The following NSDHL variants were observed in gnomAD, a reference collection of about 807,000 sequenced individuals.
NSDHL encodes the protein sterol-4-alpha-carboxylate 3-dehydrogenase, decarboxylating.
Under a neutral mutation model 23.0 loss-of-function variants are expected in NSDHL, and 1 was observed. That is an observed-to-expected ratio of 0.04 (90% CI 0.02 to 0.21). The LOEUF (loss-of-function observed/expected upper bound fraction) is 0.21. Among genes scored for constraint, NSDHL ranks in the 10% least tolerant of loss-of-function variants. The pLI is 1.00. For missense variants in NSDHL, 237 were observed against 300.9 expected, an observed-to-expected ratio of 0.79 and a Z score of 1.57; for synonymous variants, 128 against 121.1, an observed-to-expected ratio of 1.06 and a Z score of -0.37.
chrX:152,866,567 C>G (rs1311282186), intron 6 of NSDHL, among the ~76,000 whole-genome samples: 1 of 112,987 alleles, frequency 8.9e-6, no homozygotes, highest in Non-Finnish European at 1.9e-5. Context: ...TCTGGAGGTT[C>G]GCAGGGAGCG....
intron 2 of NSDHL, 82 bp downstream of exon 2, chrX:152,846,514 A>G: frequency 1.6e-6 from 1 of 640,335 alleles, no homozygotes; most frequent in Non-Finnish European, 2.6e-6. Context: ...TACATGTATT[A>G]ATCAATGTTG....
intron 3 of NSDHL, among the ~76,000 whole-genome samples, chrX:152,856,005 ATTCCC>A (rs1425585051): frequency 8.9e-6 from 1 of 112,201 alleles, no homozygotes; most frequent in Non-Finnish European, 1.9e-5. Flanking sequence ...TTAATTTACG[ATTCCC>A]TTCATTTTTT....
chrX:152,839,143 T>C (rs1933150512), intron 1 of NSDHL, among the ~76,000 whole-genome samples: 2 of 112,041 alleles, frequency 1.8e-5, no homozygotes, highest in African/African-American at 6.5e-5. Context: ...TTGCTTTCCA[T>C]TTGCTTGGTA....
chrX:152,855,388 G>T (rs1432074386), intron 3 of NSDHL, among the ~76,000 whole-genome samples: 1 of 111,913 alleles, frequency 8.9e-6, no homozygotes, highest in Non-Finnish European at 1.9e-5. Context: ...TTGTTCGTTT[G>T]TAGGTTGTCT....
chrX:152,861,723 C>T (rs948793996), intron 4 of NSDHL, among the ~76,000 whole-genome samples: 1 of 112,472 alleles, frequency 8.9e-6, no homozygotes. Context: ...TTGCATATCT[C>T]GTTAAATTTA....
chrX:152,838,476 T>C (rs1314766917), intron 1 of NSDHL, among the ~76,000 whole-genome samples: 15 of 112,310 alleles, frequency 1.3e-4, no homozygotes, highest in African/African-American at 4.5e-4. Context: ...TTAAATGTGT[T>C]CCAGAGATTC....
At chrX:152,856,854 C>T (rs1165800739) in intron 3 of NSDHL, among the ~76,000 whole-genome samples, 1 of 112,477 alleles carries the variant, frequency 8.9e-6, no homozygotes, top group Non-Finnish European at 1.9e-5. Flanking sequence ...GTCAGAAGTT[C>T]GAGACCAGCC....
At chrX:152,856,930 C>T (rs1248060241) in intron 3 of NSDHL, among the ~76,000 whole-genome samples, 2 of 112,434 alleles carry the variant, frequency 1.8e-5, no homozygotes, top group East Asian at 2.8e-4. Context: ...TGGTGGCATA[C>T]GCCTGTAATC....
intron 2 of NSDHL, among the ~76,000 whole-genome samples, chrX:152,847,858 G>GT (rs1298178467): frequency 1.0e-4 from 11 of 107,822 alleles, no homozygotes; most frequent in East Asian, 5.8e-4. Flanking sequence ...TGCCTAAATG[G>GT]TTTTTTTTCT....
rs1933674095 is a variant in NSDHL at position 152,869,429 on chromosome X, GTCCTTGT to G, written c.*314_*320del. 9.2e-6 allele frequency: 3 copies of G among 324,836 alleles called. No homozygotes were observed. The highest frequency in any genetic ancestry group is 1.6e-5 in the Non-Finnish European group (3 of 182,029). 26.8% of individuals were successfully genotyped at this position (324,836 alleles called of 1,213,427 possible). The stretch of plus-strand genomic sequence containing the variant: ...TCTGGTTTATACATTTCATTCCAGT[GTCCTTGT>G]ACATAATCAAGGAAGCTGTAGGAAG... On this transcript the variant is annotated 3_prime_UTR_variant, in exon 8 of 8. Transcript: ENST00000370274.
At chrX:152,845,768 A>G (rs782229746) in intron 1 of NSDHL, among the ~76,000 whole-genome samples, 3 of 111,627 alleles carry the variant, frequency 2.7e-5, no homozygotes, top group African/African-American at 6.5e-5. Flanking sequence ...CCAGCATCCC[A>G]TGTCCTGAGC....
intron 1 of NSDHL, among the ~76,000 whole-genome samples, chrX:152,839,008 ATAGT>A (rs1486726338): frequency 8.9e-6 from 1 of 112,139 alleles, no homozygotes; most frequent in Non-Finnish European, 1.9e-5. Context: ...TATATTTAGG[ATAGT>A]TAGCTCTTCT....
chrX:152,847,483 G>T (rs1435770739), intron 2 of NSDHL, among the ~76,000 whole-genome samples: 1 of 111,736 alleles, frequency 8.9e-6, no homozygotes, highest in Non-Finnish European at 1.9e-5. Context: ...TTGAAGCCAC[G>T]TGCCATCTGC....
At chrX:152,847,866 TC>T (rs2125007723) in intron 2 of NSDHL, among the ~76,000 whole-genome samples, 1 of 108,418 alleles carries the variant, frequency 9.2e-6, no homozygotes, top group African/African-American at 3.5e-5. Context: ...TGGTTTTTTT[TC>T]TTTTTTTTTT....
chrX:152,836,467 A>G (rs1291252610), intron 1 of NSDHL, among the ~76,000 whole-genome samples: 3 of 111,513 alleles, frequency 2.7e-5, no homozygotes, highest in African/African-American at 9.8e-5. Context: ...TCCATCTTGA[A>G]TTAATTTTTG....
intron 1 of NSDHL, among the ~76,000 whole-genome samples, chrX:152,837,720 G>C (rs868959766): frequency 2.7e-5 from 3 of 111,813 alleles, no homozygotes; most frequent in Admixed American, 1.9e-4. Context: ...GAGGATTTTT[G>C]CATCGATGTT....
intron 4 of NSDHL, among the ~76,000 whole-genome samples, chrX:152,860,806 T>C (rs782040880): frequency 3.6e-5 from 4 of 112,393 alleles, no homozygotes; most frequent in South Asian, 3.7e-4. Context: ...TACTGGCATG[T>C]GTAATGTGTG....
At chrX:152,866,608 T>C (rs1933610788) in intron 6 of NSDHL, among the ~76,000 whole-genome samples, 1 of 111,571 alleles carries the variant, frequency 9.0e-6, no homozygotes, top group South Asian at 3.8e-4. Flanking sequence ...TAGCTTCTGC[T>C]GGCTTCCAGC....
In NSDHL at chrX:152,869,230, C is replaced by G; in HGVS notation, c.*114C>G. The G allele has an allele frequency of 1.5e-6, 1 of 646,672 alleles. No individual in the cohort carries two copies. The highest frequency in any genetic ancestry group is 2.5e-6 in the Non-Finnish European group (1 of 403,888). 53.3% of individuals were successfully genotyped at this position (646,672 alleles called of 1,213,427 possible). On this transcript the variant is annotated 3_prime_UTR_variant, in exon 8 of 8. Transcript: ENST00000370274. The stretch of plus-strand genomic sequence containing the variant: ...GTTTGCTCTGAGCCTGTGACTCCTT[C>G]TGCTAGGCAGAGAGCGCACCCTACT...
Sources: allele counts gnomAD v4.1 joint callset (sites outside exome capture counted in the v4.1 genomes callset), GRCh38; gene constraint gnomAD v4.1.1; transcripts MANE v1.5; gene names NCBI Gene and HGNC (gene_info 2026-07-23, HGNC 2026-07-21).